The following FAM174B variants were observed in gnomAD, a reference collection of about 807,000 sequenced individuals.
FAM174B encodes membrane protein FAM174B.
Under a neutral mutation model 10.9 loss-of-function variants are expected in FAM174B, and 12 were observed. That is an observed-to-expected ratio of 1.10 (90% CI 0.71 to 1.79). FAM174B has a LOEUF of 1.79. Among genes scored for constraint, FAM174B ranks in the 40% most tolerant of loss-of-function variants. FAM174B has a pLI of 0.00. For synonymous variants in FAM174B, 132 were observed against 115.8 expected, an observed-to-expected ratio of 1.14 and a Z score of -0.90; for missense variants, 266 against 233.3, an observed-to-expected ratio of 1.14 and a Z score of -0.91.
chr15:92,635,894 A>G (rs2141957693), intron 1 of FAM174B, among the ~76,000 whole-genome samples: 1 of 152,310 alleles, frequency 6.6e-6, no homozygotes, highest in Non-Finnish European at 1.5e-5. Flanking sequence ...TTCTCAAATT[A>G]AAAGGAGAAT....
rs143367542 is a variant in FAM174B at position 92,635,743 on chromosome 15, G to C, written c.345-5398C>G. On this transcript the variant is annotated intron_variant, in intron 1 of 2. Transcript: ENST00000327355. The stretch of plus-strand genomic sequence containing the variant: ...TTACAGGCGCCTGCCACCATGCCCA[G>C]CTAATTTTTGGATTTTTAGTAGAGA... Among the ~76,000 whole-genome samples the C allele has an allele frequency of 2.6e-5, 4 of 152,134 alleles. No individual in the cohort carries two copies. The East Asian group carries it at 7.7e-4, about 29-fold the overall frequency.
At chr15:92,619,540 C>A in intron 2 of FAM174B, 81 bp from the exon 3 acceptor site, 1 of 1,500,988 alleles carries the variant, frequency 6.7e-7, no homozygotes, top group Non-Finnish European at 9.1e-7. Context: ...ACATCTCTAT[C>A]CCTCACCCTC....
intron 1 of FAM174B, among the ~76,000 whole-genome samples, chr15:92,636,282 C>T (rs2050855678): frequency 6.6e-6 from 1 of 152,162 alleles, no homozygotes; most frequent in African/African-American, 2.4e-5. Flanking sequence ...CCACCACACT[C>T]CAGCCTGGGT....
rs1345006228 is a variant in FAM174B, at chr15:92,619,054, G to A, written c.*402C>T. 6.5e-6 allele frequency: 4 copies of A among 614,642 alleles called. No homozygotes were observed. Among genetic ancestry groups the A allele is most frequent in the South Asian group, 2.0e-5 (1 of 50,890 alleles). The allele number at this position is 614,642 out of a possible 1,614,324, so 38.1% of individuals were successfully genotyped here. A position where few individuals can be genotyped will look rare whatever the true frequency, so the allele number is the denominator to read the frequency against. On this transcript the variant is annotated 3_prime_UTR_variant, in exon 3 of 3. Coordinates refer to ENST00000327355, the MANE Select transcript of FAM174B (RefSeq NM_207446.3). ...GAATGTCGGAAATTCTAAATACACA[G>A]TTGGACATCCTTCAGGCTTGTTTTA...
chr15:92,655,245 G>A, intron 1 of FAM174B, 71 bp downstream of exon 1: 2 of 1,440,436 alleles, frequency 1.4e-6, no homozygotes, highest in Non-Finnish European at 1.8e-6. Flanking sequence ...TGGGGCGGGC[G>A]CGCGGCGACA....
chr15:92,631,729 C>G (rs551096602), intron 1 of FAM174B, among the ~76,000 whole-genome samples: 1 of 151,226 alleles, frequency 6.6e-6, no homozygotes, highest in Non-Finnish European at 1.5e-5. Flanking sequence ...ATCTCCTGAC[C>G]TCGTGATCTG....
chr15:92,631,718 G>T (rs1038499195), intron 1 of FAM174B, among the ~76,000 whole-genome samples: 2 of 150,606 alleles, frequency 1.3e-5, no homozygotes, highest in Non-Finnish European at 1.5e-5. Context: ...GGATGGTCTC[G>T]ATCTCCTGAC....
In FAM174B at chr15:92,618,146, A is replaced by G. The variant is rs1474045950; in HGVS notation, c.*1310T>C. Reference sequence around the variant, plus strand: ...ACACAAACCCTGGAGCAAAGCCAGGAAAAAAGGGGGAGATAAAAAATAAAA... The same window carrying G: ...ACACAAACCCTGGAGCAAAGCCAGGGAAAAAGGGGGAGATAAAAAATAAAA... On this transcript the variant is annotated 3_prime_UTR_variant, in exon 3 of 3. Coordinates refer to ENST00000327355, the MANE Select transcript of FAM174B (RefSeq NM_207446.3). 6.1e-6 allele frequency: 1 copy of G among 162,912 alleles called. No individual in the cohort carries two copies. The highest frequency in any genetic ancestry group is 6.4e-5 in the Admixed American group (1 of 15,576). The allele number at this position is 162,912 out of a possible 1,614,324, so 10.1% of individuals were successfully genotyped here.
chr15:92,653,895 C>T (rs1452174757), intron 1 of FAM174B, among the ~76,000 whole-genome samples: 1 of 152,248 alleles, frequency 6.6e-6, no homozygotes, highest in Non-Finnish European at 1.5e-5. Context: ...AAATGCCACA[C>T]CCAGGTATTG....
intron 1 of FAM174B, among the ~76,000 whole-genome samples, chr15:92,646,892 T>C (rs2050932011): frequency 6.6e-6 from 1 of 152,238 alleles, no homozygotes; most frequent in African/African-American, 2.4e-5. Flanking sequence ...ATCTTACATG[T>C]ATTTGATATC....
intron 2 of FAM174B, among the ~76,000 whole-genome samples, chr15:92,624,134 C>A (rs2050738044): frequency 6.6e-6 from 1 of 152,208 alleles, no homozygotes; most frequent in Admixed American, 6.5e-5. Flanking sequence ...AAAAATTCTC[C>A]ATGAGATGCC....
chr15:92,631,844 C>G (rs1350308236), intron 1 of FAM174B, among the ~76,000 whole-genome samples: 3 of 152,020 alleles, frequency 2.0e-5, no homozygotes, highest in African/African-American at 7.2e-5. Flanking sequence ...AAAAAAAAAG[C>G]CCCAAAGATC....
intron 2 of FAM174B, among the ~76,000 whole-genome samples, chr15:92,625,745 G>T (rs142911733): frequency 6.0e-4 from 91 of 152,318 alleles, no homozygotes; most frequent in African/African-American, 2.1e-3. Context: ...AAGTAACTGT[G>T]TCTTTCCTGT....
At chr15:92,649,676 T>C (rs2050951879) in intron 1 of FAM174B, among the ~76,000 whole-genome samples, 1 of 152,232 alleles carries the variant, frequency 6.6e-6, no homozygotes, top group South Asian at 2.1e-4. Context: ...CCAGCAGGCC[T>C]TGAAGCCGAG....
intron 1 of FAM174B, among the ~76,000 whole-genome samples, chr15:92,638,470 G>C (rs1343630287): frequency 6.6e-6 from 1 of 152,168 alleles, no homozygotes; most frequent in Non-Finnish European, 1.5e-5. Flanking sequence ...CTACAGAGGG[G>C]GAGGCCTTCC....
intron 1 of FAM174B, among the ~76,000 whole-genome samples, chr15:92,654,634 C>G (rs1180486112): frequency 1.3e-5 from 2 of 152,142 alleles, no homozygotes; most frequent in Non-Finnish European, 2.9e-5. Flanking sequence ...GGAAAGCCGT[C>G]TGTGTCCCCC....
rs566206857 is a variant in FAM174B at position 92,649,412 on chromosome 15, C to T, written c.344+5904G>A. ...AGAGCCTCAGAAACAGATGCACCTG[C>T]CTGATAATTGTGGCCATATGGCTGC... On this transcript the variant is annotated intron_variant, in intron 1 of 2. Transcript: ENST00000327355. Among the ~76,000 whole-genome samples the T allele has an allele frequency of 3.3e-5, 5 of 152,288 alleles. No individual in the cohort carries two copies. The South Asian group carries it at 8.3e-4, about 25-fold the overall frequency.
rs571911996 is a variant in FAM174B, at chr15:92,633,051, C to CTT, written c.345-2708_345-2707dup. On this transcript the variant is annotated intron_variant, in intron 1 of 2. Coordinates refer to ENST00000327355, the MANE Select transcript of FAM174B (RefSeq NM_207446.3). ...ACTCTCTTGAACTTTTTCCTAACTG[C>CTT]TTTATATTCACTGATGTCCCTCCTT... 7.9e-5 allele frequency among the ~76,000 whole-genome samples: 12 copies of CTT among 152,260 alleles called. No homozygotes were observed. The East Asian group carries it at 2.3e-3, about 29-fold the overall frequency.
chr15:92,628,453 T>A (rs1387265183), intron 2 of FAM174B, among the ~76,000 whole-genome samples: 1 of 146,974 alleles, frequency 6.8e-6, no homozygotes, highest in East Asian at 2.1e-4. Flanking sequence ...ATGCTGAGAC[T>A]ACACGCATGA....
Sources: gnomAD v4.1 joint callset for allele counts (sites outside exome capture counted in the v4.1 genomes callset) on GRCh38, gnomAD v4.1.1 for gene constraint, MANE v1.5 for transcripts, NCBI Gene and HGNC (gene_info 2026-07-23, HGNC 2026-07-21) for gene names.